The following TIMM23B variants were observed in gnomAD, a reference collection of about 807,000 sequenced individuals.
The protein encoded by TIMM23B is translocase of inner mitochondrial membrane 23 homolog B.
Under a neutral mutation model 27.3 loss-of-function variants are expected in TIMM23B, and 27 were observed. That is an observed-to-expected ratio of 0.99 (90% CI 0.73 to 1.36). TIMM23B has a LOEUF of 1.36. TIMM23B is among the 40% of genes most tolerant of loss of function. The pLI is 0.00. For missense variants in TIMM23B, 205 were observed against 244.2 expected, an observed-to-expected ratio of 0.84 and a Z score of 1.07; for synonymous variants, 73 against 92.4, an observed-to-expected ratio of 0.79 and a Z score of 1.21.
chr10:49,945,708 T>C (rs1173986136), intron 2 of TIMM23B, among the ~76,000 whole-genome samples: 25 of 152,204 alleles, frequency 1.6e-4, no homozygotes, highest in African/African-American at 5.5e-4. Flanking sequence ...ATCCAAGATA[T>C]ATTAGCAAAT....
chr10:49,947,557 C>T (rs1461313302), intron 2 of TIMM23B, among the ~76,000 whole-genome samples: 6 of 151,720 alleles, frequency 4.0e-5, no homozygotes, highest in Non-Finnish European at 7.4e-5. Context: ...TGTGGTGAGC[C>T]GAGATCGCAC....
At chr10:49,963,624 C>T (rs1308928780) in intron 6 of TIMM23B, among the ~76,000 whole-genome samples, 3 of 150,966 alleles carry the variant, frequency 2.0e-5, no homozygotes, top group Non-Finnish European at 4.4e-5. Context: ...AGTGAGACTC[C>T]GTCTTGAAAT....
At chr10:49,943,856 A>AG (rs1297957118) in intron 1 of TIMM23B, among the ~76,000 whole-genome samples, 3 of 152,012 alleles carry the variant, frequency 2.0e-5, no homozygotes, top group African/African-American at 7.2e-5. Flanking sequence ...AGTGCTGTAA[A>AG]GGGAATAAAG....
intron 5 of TIMM23B, among the ~76,000 whole-genome samples, chr10:49,956,362 G>A (rs1458659051): frequency 6.6e-6 from 1 of 150,606 alleles, no homozygotes; most frequent in Non-Finnish European, 1.5e-5. Context: ...TGGTGCTAGT[G>A]TTATAATACG....
At chr10:49,966,336 G>A (rs1391679150) in intron 6 of TIMM23B, among the ~76,000 whole-genome samples, 1 of 152,196 alleles carries the variant, frequency 6.6e-6, no homozygotes, top group East Asian at 1.9e-4. Flanking sequence ...TCCAGCCTGG[G>A]CGATTGAGCG....
intron 5 of TIMM23B, among the ~76,000 whole-genome samples, chr10:49,957,229 T>C (rs1162045285): frequency 1.3e-5 from 2 of 151,784 alleles, no homozygotes; most frequent in African/African-American, 4.8e-5. Context: ...GAACACATAC[T>C]TAACATTTGC....
chr10:49,942,755 T>C (rs1839182148), intron 1 of TIMM23B, among the ~76,000 whole-genome samples: 1 of 152,132 alleles, frequency 6.6e-6, no homozygotes, highest in South Asian at 2.1e-4. Flanking sequence ...GAAATAAATA[T>C]GACTTGGGAC....
intron 6 of TIMM23B, among the ~76,000 whole-genome samples, chr10:49,965,639 G>A (rs1194634216): frequency 6.6e-6 from 1 of 151,326 alleles, no homozygotes; most frequent in Non-Finnish European, 1.5e-5. Context: ...GGGCGATAGA[G>A]CGAGTCTCTG....
chr10:49,966,976 G>A (rs1840189550), intron 6 of TIMM23B, among the ~76,000 whole-genome samples: 1 of 151,682 alleles, frequency 6.6e-6, no homozygotes, highest in Non-Finnish European at 1.5e-5. Context: ...CTAGAGTACA[G>A]TGGTGTGATC....
chr10:49,954,734 TTATTA>T (rs1181073541), intron 4 of TIMM23B, among the ~76,000 whole-genome samples: 1 of 44,580 alleles, frequency 2.2e-5, no homozygotes, highest in Non-Finnish European at 4.7e-5. Flanking sequence ...AGAGTTTTCC[TTATTA>T]TTATTATTAT....
At chr10:49,949,266 G>A (rs1368104504) in intron 2 of TIMM23B, among the ~76,000 whole-genome samples, 2 of 150,058 alleles carry the variant, frequency 1.3e-5, no homozygotes, top group Non-Finnish European at 3.0e-5. Context: ...ATCACTAACG[G>A]CATCTGACAG....
At chr10:49,942,403 G>A in intron 1 of TIMM23B, 103 bp downstream of exon 1, 1 of 1,543,186 alleles carries the variant, frequency 6.5e-7, no homozygotes, top group Middle Eastern at 1.7e-4. Flanking sequence ...TTTCCTTGCT[G>A]GCGTTTACAA....
chr10:49,944,758 TC>T (rs1203683787), intron 1 of TIMM23B, among the ~76,000 whole-genome samples: 3 of 152,236 alleles, frequency 2.0e-5, no homozygotes, highest in African/African-American at 7.2e-5. Context: ...GGACTACACT[TC>T]CTGTAAGTTC....
chr10:49,948,641 T>C (rs1318317829), intron 2 of TIMM23B, among the ~76,000 whole-genome samples: 1 of 152,222 alleles, frequency 6.6e-6, no homozygotes, highest in Non-Finnish European at 1.5e-5. Flanking sequence ...GTTCCATTTA[T>C]ATGGAATGTC....
At chr10:49,959,550 A>G (rs1164265394) in intron 6 of TIMM23B, among the ~76,000 whole-genome samples, 2 of 152,158 alleles carry the variant, frequency 1.3e-5, no homozygotes, top group Non-Finnish European at 2.9e-5. Flanking sequence ...ATTTTTATCA[A>G]AATAATCCAC....
At chr10:49,943,062 T>C (rs1460739519) in intron 1 of TIMM23B, among the ~76,000 whole-genome samples, 1 of 152,208 alleles carries the variant, frequency 6.6e-6, no homozygotes, top group Admixed American at 6.5e-5. Context: ...AGAATCCTTG[T>C]AATATTTCTC....
At chr10:49,969,523 G>T (rs1450088001) in intron 6 of TIMM23B, among the ~76,000 whole-genome samples, 7 of 151,140 alleles carry the variant, frequency 4.6e-5, no homozygotes, top group African/African-American at 1.7e-4. Flanking sequence ...TTGGAGACTA[G>T]CCTGGACAAC....
At chr10:49,944,979 C>T in intron 1 of TIMM23B, 53 bp from the exon 2 acceptor site, 1 of 1,573,072 alleles carries the variant, frequency 6.4e-7, no homozygotes, top group Non-Finnish European at 8.7e-7. Context: ...TTAACTCTAA[C>T]TGGATTAACT....
Position 49,968,065 on chromosome 10 carries a change from G to C in TIMM23B, c.515-4947G>C, listed in dbSNP as rs1172867325. Among the ~76,000 whole-genome samples, 16 of 152,244 alleles carry C rather than the reference G, an allele frequency of 1.1e-4. No homozygotes were observed. In the South Asian group the frequency reaches 3.1e-3, roughly 30 times the overall value. ...CAAAACTCTTACTGGCTTGAGTGCT[G>C]CCCTTGTACTGCCAATTGAAGTTTA... On this transcript the variant is annotated intron_variant, in intron 6 of 6. Coordinates refer to ENST00000651259, the MANE Select transcript of TIMM23B (RefSeq NM_001290117.2).
Sources: gnomAD v4.1 joint callset for allele counts (sites outside exome capture counted in the v4.1 genomes callset) on GRCh38, gnomAD v4.1.1 for gene constraint, MANE v1.5 for transcripts, NCBI Gene and HGNC (gene_info 2026-07-23, HGNC 2026-07-21) for gene names.